The following COPS4 variants were observed in gnomAD, a reference collection of about 807,000 sequenced individuals.
COPS4 encodes COP9 signalosome subunit 4.
COPS4 carries 8 observed loss-of-function variants against 55.1 expected under a neutral mutation model. The ratio of observed to expected loss-of-function variants is 0.15; its 90% CI spans 0.09 to 0.26. The LOEUF (loss-of-function observed/expected upper bound fraction) is 0.26. Ranked by LOEUF, COPS4 falls within the 10% of genes least tolerant of loss-of-function variation. The pLI, the probability that COPS4 is intolerant of heterozygous loss-of-function variation, is 1.00. For missense variants in COPS4, 248 were observed against 484.0 expected (o/e 0.51, Z 4.58); for synonymous variants, 185 against 165.7 (o/e 1.12, Z -0.90).
intron 1 of COPS4, among the ~76,000 whole-genome samples, chr4:83,042,704 G>C (rs150817905): frequency 1.6e-3 from 240 of 152,084 alleles, no homozygotes; most frequent in African/African-American, 5.5e-3. Context: ...CTGGGCTCAG[G>C]CAATCCTCCC....
chr4:83,060,991 G>A (rs6535433), intron 6 of COPS4, among the ~76,000 whole-genome samples: 9,538 of 150,466 alleles, frequency 0.063, 1,038 homozygotes, highest in African/African-American at 0.22. Context: ...CTGAGATCGC[G>A]CCATTGCACT....
intron 9 of COPS4, among the ~76,000 whole-genome samples, chr4:83,074,374 G>A (rs1731511260): frequency 6.6e-6 from 1 of 151,394 alleles, no homozygotes; most frequent in South Asian, 2.1e-4. Flanking sequence ...GGGTACTTTT[G>A]AAATGCTAGA....
rs758452042 is a variant in COPS4, at chr4:83,035,214, C to T, written c.-11C>T. ...AGAGGCCCCCGCATCCACCGCTGAG[C>T]TGGGAGAAAGATGGCGGCAGCCGTG... is the stretch of plus-strand genomic sequence containing the variant. On this transcript the variant is annotated 5_prime_UTR_variant, in exon 1 of 10. Coordinates refer to ENST00000264389, the MANE Select transcript of COPS4 (RefSeq NM_016129.3). 1 of 1,559,200 alleles carries T rather than the reference C, an allele frequency of 6.4e-7. No individual in the cohort carries two copies. Among genetic ancestry groups the T allele is most frequent in the Non-Finnish European group, 8.7e-7 (1 of 1,145,122 alleles).
chr4:83,058,448 G>A (rs1377551154), intron 6 of COPS4, among the ~76,000 whole-genome samples: 1 of 152,026 alleles, frequency 6.6e-6, no homozygotes, highest in Non-Finnish European at 1.5e-5. Flanking sequence ...TGAGCTCCTG[G>A]GCTCAAGTGA....
chr4:83,068,875 C>T (rs1195784865), intron 9 of COPS4, among the ~76,000 whole-genome samples: 2 of 151,114 alleles, frequency 1.3e-5, no homozygotes, highest in African/African-American at 4.9e-5. Flanking sequence ...GAGGCTGAGG[C>T]AGGAGAATCA....
intron 7 of COPS4, 137 bp from the exon 8 acceptor site, chr4:83,066,301 G>T: frequency 4.2e-6 from 2 of 476,180 alleles, no homozygotes; most frequent in South Asian, 4.9e-5. Context: ...ATCATATATT[G>T]GCTACTTTTA....
At chr4:83,041,627 T>G (rs749635592) in intron 1 of COPS4, among the ~76,000 whole-genome samples, 16 of 151,540 alleles carry the variant, frequency 1.1e-4, no homozygotes, top group Non-Finnish European at 2.2e-4. Flanking sequence ...ACCATCACAC[T>G]CGGCTAATTT....
intron 1 of COPS4, among the ~76,000 whole-genome samples, chr4:83,043,518 C>CAAAAA (rs34480105): frequency 5.7e-5 from 1 of 17,674 alleles, no homozygotes; most frequent in Non-Finnish European, 1.2e-4. Flanking sequence ...GACCCTGTCT[C>CAAAAA]AAAAAAAAAA....
intron 4 of COPS4, 138 bp downstream of exon 4, chr4:83,050,122 G>T: frequency 3.7e-6 from 2 of 547,804 alleles, no homozygotes; most frequent in Non-Finnish European, 6.3e-6. Context: ...AAGGTGATAA[G>T]TGCTGTGGAG....
chr4:83,035,571 A>C, intron 1 of COPS4: 1 of 307,906 alleles, frequency 3.2e-6, no homozygotes, highest in Non-Finnish European at 6.6e-6. Flanking sequence ...GGATTTTGGA[A>C]CAGCGGTCTG....
intron 1 of COPS4, among the ~76,000 whole-genome samples, chr4:83,038,755 C>A (rs1404367394): frequency 6.6e-6 from 1 of 152,154 alleles, no homozygotes. Context: ...GATTCTTCTG[C>A]CTCAGCCTCC....
intron 2 of COPS4, among the ~76,000 whole-genome samples, chr4:83,047,142 C>T (rs1730737591): frequency 6.6e-6 from 1 of 152,172 alleles, no homozygotes; most frequent in Non-Finnish European, 1.5e-5. Context: ...AAAATCATGG[C>T]CTCCGGTGTG....
chr4:83,049,729 T>C (rs1364505660), intron 3 of COPS4, 152 bp from the exon 4 acceptor site: 2 of 551,812 alleles, frequency 3.6e-6, no homozygotes, highest in East Asian at 6.1e-5. Flanking sequence ...AATGCAAAAT[T>C]CGTAGGAAAA....
At chr4:83,057,150 T>C in intron 5 of COPS4, 71 bp downstream of exon 5, 1 of 1,520,102 alleles carries the variant, frequency 6.6e-7, no homozygotes, top group East Asian at 2.3e-5. Context: ...TTCCAGGACA[T>C]CTGATAGATG....
chr4:83,039,989 G>T (rs1012100229), intron 1 of COPS4, among the ~76,000 whole-genome samples: 1 of 152,046 alleles, frequency 6.6e-6, no homozygotes, highest in Non-Finnish European at 1.5e-5. Context: ...TCTAGGCTCC[G>T]GTGAAATCCC....
At chr4:83,046,923 C>T (rs1730733483) in intron 2 of COPS4, among the ~76,000 whole-genome samples, 1 of 152,130 alleles carries the variant, frequency 6.6e-6, no homozygotes, top group African/African-American at 2.4e-5. Flanking sequence ...ATACACTGCT[C>T]TTACTTGCTT....
At chr4:83,045,218 A>G (rs1393358928) in intron 1 of COPS4, among the ~76,000 whole-genome samples, 4 of 152,212 alleles carry the variant, frequency 2.6e-5, no homozygotes, top group Admixed American at 6.5e-5. Context: ...TTGTGTGTCT[A>G]TGTATTGCAC....
intron 9 of COPS4, among the ~76,000 whole-genome samples, chr4:83,072,910 C>T (rs977311920): frequency 6.6e-6 from 1 of 151,998 alleles, no homozygotes; most frequent in Admixed American, 6.6e-5. Flanking sequence ...GGCACAGTGG[C>T]TTATGATTGT....
chr4:83,050,437 A>G (rs1373388848), intron 4 of COPS4, among the ~76,000 whole-genome samples: 1 of 152,102 alleles, frequency 6.6e-6, no homozygotes, highest in African/African-American at 2.4e-5. Context: ...AGCTGGGACT[A>G]CAGGCATGCA....
Sources: gnomAD v4.1 joint callset for allele counts (sites outside exome capture counted in the v4.1 genomes callset) on GRCh38, gnomAD v4.1.1 for gene constraint, MANE v1.5 for transcripts, NCBI Gene and HGNC (gene_info 2026-07-23, HGNC 2026-07-21) for gene names.